Variants in SYS1 observed in about 807,000 individuals in gnomAD.
The protein encoded by SYS1 is protein SYS1 homolog.
Under a neutral mutation model 17.8 loss-of-function variants are expected in SYS1, and 8 were observed. The ratio of observed to expected loss-of-function variants is 0.45; its 90% CI spans 0.26 to 0.81. The LOEUF (loss-of-function observed/expected upper bound fraction) is 0.81, where lower values mean the gene tolerates loss of function less well. Ranked by LOEUF, SYS1 falls within the 40% of genes least tolerant of loss-of-function variation. The pLI, the probability that SYS1 is intolerant of heterozygous loss-of-function variation, is 0.16. For synonymous variants in SYS1, 95 were observed against 90.9 expected (o/e 1.05, Z -0.26); for missense variants, 161 against 203.9 (o/e 0.79, Z 1.28).
chr20:45,364,129 A>C (rs553716862), intron 2 of SYS1, among the ~76,000 whole-genome samples: 8 of 152,176 alleles, frequency 5.3e-5, no homozygotes, highest in Non-Finnish European at 1.2e-4. Flanking sequence ...GGCAAATGTC[A>C]CCTCTGTGAA....
At chr20:45,374,352 A>T (rs779634352) in exon 4 of SYS1, 69 of 667,788 alleles carry the variant, frequency 1.0e-4, no homozygotes, top group Middle Eastern at 3.9e-4. Context: ...AGCTCACTGC[A>T]GCCTCGACTC....
chr20:45,368,240 C>T lies in SYS1; in HGVS notation c.*1125C>T, dbSNP rs1161154438. On this transcript the variant is annotated 3_prime_UTR_variant, in exon 4 of 4. Transcript: ENST00000243918. ...TTTCCTGGACCCCAGAGTCATTCCT[C>T]CATTTGGTTAAAATACTCAGTGCAG... is the stretch of plus-strand genomic sequence containing the variant. 1 of 985,466 alleles carries T rather than the reference C, an allele frequency of 1.0e-6. No individual in the cohort carries two copies. The highest frequency in any genetic ancestry group is 1.2e-6 in the Non-Finnish European group (1 of 829,942). The allele number at this position is 985,466 out of a possible 1,614,324, so 61.0% of individuals were successfully genotyped here.
chr20:45,362,091 C>A, upstream of SYS1: 2 of 854,102 alleles, frequency 2.3e-6, no homozygotes, highest in Non-Finnish European at 2.8e-6. Context: ...TATTTACTGA[C>A]TGTCCACTAT....
exon 4 of SYS1, chr20:45,375,170 C>T (rs1259430567): frequency 1.9e-6 from 3 of 1,614,182 alleles, no homozygotes; most frequent in Admixed American, 1.7e-5. Flanking sequence ...GTGGGCAGCC[C>T]CTCAAACCAG....
At chr20:45,365,149 T>A in intron 2 of SYS1, 1 of 262,330 alleles carries the variant, frequency 3.8e-6, no homozygotes, top group Non-Finnish European at 7.6e-6. Flanking sequence ...TCAGCAAACC[T>A]TTCCTTTAAG....
At chr20:45,375,918 C>T (rs1265322027) in exon 4 of SYS1, 2 of 208,804 alleles carry the variant, frequency 9.6e-6, no homozygotes, top group African/African-American at 4.7e-5. Flanking sequence ...GGAGGTGTCT[C>T]AATGTCACCT....
At chr20:45,375,429 G>A (rs890501969) in exon 4 of SYS1, 2 of 1,613,894 alleles carry the variant, frequency 1.2e-6, no homozygotes, top group Non-Finnish European at 1.7e-6. Context: ...TCCACTCCTT[G>A]TACTCTTTTT....
chr20:45,363,292 C>G lies in SYS1; in HGVS notation c.-27C>G. The G allele has an allele frequency of 4.5e-6, 6 of 1,327,692 alleles. No homozygotes were observed. Among genetic ancestry groups the G allele is most frequent in the Non-Finnish European group, 5.8e-6 (6 of 1,036,176 alleles). The allele number at this position is 1,327,692 out of a possible 1,614,324, so 82.2% of individuals were successfully genotyped here. ...GGTGAGGCCGGGCCACGCTCAGACACTTCGATCGTCGAGTCTGTCACTGGT... is the reference window on the plus strand; with the variant it reads ...GGTGAGGCCGGGCCACGCTCAGACAGTTCGATCGTCGAGTCTGTCACTGGT... On this transcript the variant is annotated 5_prime_UTR_variant, in exon 1 of 4. Coordinates refer to ENST00000243918, the MANE Select transcript of SYS1 (RefSeq NM_033542.4).
chr20:45,368,776 A>AT lies in SYS1; in HGVS notation c.*1664dup. On this transcript the variant is annotated 3_prime_UTR_variant, in exon 4 of 4. Transcript: ENST00000243918. ...GGGATGACCTTCCCTGGGTTAATCA[A>AT]TTTCCCTCTAGACAACACAAACTGC... 3.0e-6 allele frequency: 3 copies of AT among 985,370 alleles called. No homozygotes were observed. The highest frequency in any genetic ancestry group is 3.6e-6 in the Non-Finnish European group (3 of 829,916). The allele number at this position is 985,370 out of a possible 1,614,324, so 61.0% of individuals were successfully genotyped here. A position where few individuals can be genotyped will look rare whatever the true frequency, so the allele number is the denominator to read the frequency against.
chr20:45,364,722 C>T (rs1028615581), intron 2 of SYS1, among the ~76,000 whole-genome samples: 4 of 152,120 alleles, frequency 2.6e-5, no homozygotes, highest in Non-Finnish European at 4.4e-5. Context: ...CCGCCTGCCT[C>T]GGCCTCCCAA....
Position 45,367,080 on chromosome 20 carries a change from A to G in SYS1, c.436A>G (p.Ile146Val), listed in dbSNP as rs766401702. 3 of 1,614,134 alleles carry G rather than the reference A, an allele frequency of 1.9e-6. No individual in the cohort carries two copies. Among genetic ancestry groups the G allele is most frequent in the Non-Finnish European group, 2.5e-6 (3 of 1,180,022 alleles). Reference protein sequence around the residue: ...YLCMRTELKEIPLNSAPKSNV With the variant: ...YLCMRTELKEVPLNSAPKSNV ...GTGCATGCGGACGGAGCTCAAGGAGATACCCCTCAACTCAGCCCCTAAATC... is the reference window on the plus strand; with the variant it reads ...GTGCATGCGGACGGAGCTCAAGGAGGTACCCCTCAACTCAGCCCCTAAATC... The change falls in exon 4 of 4, where the codon ATA becomes GTA. Residue 146 changes from isoleucine (I) to valine (V), a missense_variant. Coordinates refer to ENST00000243918, the MANE Select transcript of SYS1 (RefSeq NM_033542.4).
chr20:45,374,219 G>T (rs1988648810), intron 3 of SYS1: 2 of 684,020 alleles, frequency 2.9e-6, no homozygotes, highest in South Asian at 3.2e-5. Context: ...CGAAAGGGCT[G>T]CGGTATTTTC....
intron 2 of SYS1, among the ~76,000 whole-genome samples, chr20:45,364,822 G>A (rs113093521): frequency 6.6e-6 from 1 of 152,036 alleles, no homozygotes; most frequent in African/African-American, 2.4e-5. Context: ...TGCTCCTGCT[G>A]CTTGTTCTCT....
chr20:45,373,506 C>G (rs1481906067), downstream of SYS1: 1 of 246,228 alleles, frequency 4.1e-6, no homozygotes, highest in African/African-American at 2.2e-5. Context: ...TCGCCTTTTC[C>G]CTTTCTTGGG....
upstream of SYS1, among the ~76,000 whole-genome samples, chr20:45,362,527 C>T (rs1158962001): frequency 2.0e-5 from 3 of 152,060 alleles, no homozygotes; most frequent in Non-Finnish European, 4.4e-5. Flanking sequence ...CCACCACGCC[C>T]CGCTAATTTT....
chr20:45,365,568 G>A (rs1300909092), intron 2 of SYS1, 51 bp from the exon 3 acceptor site: 3 of 1,572,782 alleles, frequency 1.9e-6, no homozygotes, highest in South Asian at 2.2e-5. Context: ...AGATCCTGGG[G>A]CTCTGCCAAG....
In SYS1 at chr20:45,368,573, T is replaced by G. The variant is rs1406731325; in HGVS notation, c.*1458T>G. The stretch of plus-strand genomic sequence containing the variant: ...CCTCCTGACTCTCAGCCCTACAGAG[T>G]AGGGAGTTGATGCTGACAGGATGAA... On this transcript the variant is annotated 3_prime_UTR_variant, in exon 4 of 4. Coordinates refer to ENST00000243918, the MANE Select transcript of SYS1 (RefSeq NM_033542.4). The G allele has an allele frequency of 1.0e-6, 1 of 985,142 alleles. No homozygotes were observed. Among genetic ancestry groups the G allele is most frequent in the Admixed American group, 6.2e-5 (1 of 16,246 alleles). The allele number at this position is 985,142 out of a possible 1,614,324, so 61.0% of individuals were successfully genotyped here.
At chr20:45,371,245 A>G (rs2145360667), downstream of SYS1, among the ~76,000 whole-genome samples, 1 of 152,218 alleles carries the variant, frequency 6.6e-6, no homozygotes, top group East Asian at 1.9e-4. Context: ...TTTTATTGTG[A>G]AGATGCAATA....
chr20:45,375,849 G>C, exon 4 of SYS1: 1 of 382,512 alleles, frequency 2.6e-6, no homozygotes, highest in East Asian at 5.3e-5. Context: ...ACTTCAGCTG[G>C]GAGGGTGAAC....
Sources: gnomAD v4.1 joint callset for allele counts (sites outside exome capture counted in the v4.1 genomes callset) on GRCh38, gnomAD v4.1.1 for gene constraint, MANE v1.5 for transcripts, NCBI Gene and HGNC (gene_info 2026-07-23, HGNC 2026-07-21) for gene names.